Variants in COL24A1 observed in about 807,000 individuals in gnomAD.
The protein encoded by COL24A1 is collagen alpha-1(XXIV) chain.
In COL24A1, 224 loss-of-function variants were observed where a neutral mutation model predicts 253.9. That is an observed-to-expected ratio of 0.88 (90% CI 0.79 to 0.99). The LOEUF is 0.99. Among genes scored for constraint, COL24A1 ranks in the 50% least tolerant of loss-of-function variants. The probability of loss-of-function intolerance (pLI) is 0.00; values close to 1 mark genes in which losing one functional copy is unlikely to be tolerated. For synonymous variants in COL24A1, 685 were observed against 673.7 expected (o/e 1.02, Z -0.26); for missense variants, 2,131 against 2,068.5 (o/e 1.03, Z -0.59).
chr1:85,957,159 C>A (rs192983005), intron 24 of COL24A1, among the ~76,000 whole-genome samples: 1 of 151,942 alleles, frequency 6.6e-6, no homozygotes, highest in African/African-American at 2.4e-5. Flanking sequence ...ATGGACACCA[C>A]GAGGGGAACA....
intron 47 of COL24A1, among the ~76,000 whole-genome samples, chr1:85,815,693 A>G (rs1317031008): frequency 6.6e-6 from 1 of 152,094 alleles, no homozygotes; most frequent in Non-Finnish European, 1.5e-5. Context: ...AGATTTGAAT[A>G]AACATTAGAA....
chr1:85,975,353 G>A (rs965443061), intron 20 of COL24A1, among the ~76,000 whole-genome samples: 2 of 152,052 alleles, frequency 1.3e-5, no homozygotes, highest in African/African-American at 4.8e-5. Context: ...CCAAAATACA[G>A]AATCAACATA....
intron 11 of COL24A1, 69 bp downstream of exon 11, chr1:86,050,055 T>G (rs1700189856): frequency 7.4e-7 from 1 of 1,345,500 alleles, no homozygotes; most frequent in Non-Finnish European, 1.0e-6. Flanking sequence ...CATCTGATTT[T>G]ATGACCCCCA....
At chr1:86,077,365 C>G (rs1012429082) in intron 7 of COL24A1, among the ~76,000 whole-genome samples, 7 of 152,074 alleles carry the variant, frequency 4.6e-5, no homozygotes, top group African/African-American at 9.7e-5. Context: ...TGTGGAGAAA[C>G]AGGAAAGCTT....
chr1:85,889,731 C>CTTTT, intron 31 of COL24A1, 118 bp from the exon 32 acceptor site: 1 of 636,686 alleles, frequency 1.6e-6, no homozygotes, highest in South Asian at 1.9e-5. Flanking sequence ...TATTGCTATT[C>CTTTT]TTTTTTTTTT....
rs1156855453 is a variant in COL24A1, at chr1:85,729,684, A to G, written c.*862T>C. The G allele has an allele frequency of 6.6e-6, 1 of 152,572 alleles. No individual in the cohort carries two copies. 9.5% of individuals were successfully genotyped at this position (152,572 alleles called of 1,614,324 possible). A position where few individuals can be genotyped will look rare whatever the true frequency, so the allele number is the denominator to read the frequency against. On this transcript the variant is annotated 3_prime_UTR_variant, in exon 60 of 60. Transcript: ENST00000370571. ...TAAAAACAGTATGGCACAACCCCCA[A>G]TCTGTACCCCAAACCTACTACTAGA...
intron 59 of COL24A1, among the ~76,000 whole-genome samples, chr1:85,733,017 G>A (rs1371056590): frequency 6.6e-6 from 1 of 152,168 alleles, no homozygotes; most frequent in African/African-American, 2.4e-5. Flanking sequence ...TTGTGTCTCA[G>A]AGGTACTAGT....
At chr1:85,885,395 A>ATT (rs200199982) in intron 32 of COL24A1, among the ~76,000 whole-genome samples, 2,643 of 120,130 alleles carry the variant, frequency 0.022, 41 homozygotes, top group Non-Finnish European at 0.03. Context: ...ATATATATAT[A>ATT]TATTTTTTTT....
At chr1:85,780,668 T>C (rs1454902063) in intron 52 of COL24A1, among the ~76,000 whole-genome samples, 4 of 152,146 alleles carry the variant, frequency 2.6e-5, no homozygotes. Flanking sequence ...GAAAATAATA[T>C]CTACTGCAAA....
chr1:85,917,197 T>G (rs1174294330), intron 24 of COL24A1, among the ~76,000 whole-genome samples: 2 of 152,350 alleles, frequency 1.3e-5, no homozygotes, highest in African/African-American at 4.8e-5. Flanking sequence ...AAAGGATACA[T>G]CATTATGTGT....
At chr1:85,950,599 A>T (rs931009594) in intron 24 of COL24A1, among the ~76,000 whole-genome samples, 1 of 152,204 alleles carries the variant, frequency 6.6e-6, no homozygotes, top group African/African-American at 2.4e-5. Flanking sequence ...ACTAAAAACT[A>T]CAGATCAGGG....
intron 25 of COL24A1, among the ~76,000 whole-genome samples, chr1:85,911,091 G>C (rs1386209532): frequency 2.0e-5 from 3 of 151,854 alleles, no homozygotes; most frequent in African/African-American, 7.2e-5. Flanking sequence ...CTCATAGAAG[G>C]CTTGCTCTCA....
chr1:85,981,570 C>T lies in COL24A1; in HGVS notation c.2364+6031G>A, dbSNP rs1382915093. Among the ~76,000 whole-genome samples, 3 of 152,074 alleles carry T rather than the reference C, an allele frequency of 2.0e-5. No homozygotes were observed. The East Asian group carries it at 5.8e-4, about 29-fold the overall frequency. ...GAAGATAACACTGGAAAAAAATCTT[C>T]TAGACACAGGCTTAGGCAAGGAAGT... On this transcript the variant is annotated intron_variant, in intron 20 of 59. Transcript: ENST00000370571.
intron 7 of COL24A1, among the ~76,000 whole-genome samples, chr1:86,073,073 G>C (rs747007805): frequency 7.2e-5 from 11 of 152,100 alleles, no homozygotes; most frequent in Non-Finnish European, 1.5e-4. Flanking sequence ...CTCTTCTCCA[G>C]AGGATCACAA....
intron 24 of COL24A1, among the ~76,000 whole-genome samples, chr1:85,912,380 T>A (rs900347616): frequency 2.6e-5 from 4 of 152,128 alleles, no homozygotes; most frequent in African/African-American, 9.7e-5. Context: ...GACAAGAACA[T>A]AATCTCTTTC....
rs1663294763 is a variant in COL24A1 at position 85,729,729 on chromosome 1, T to C, written c.*817A>G. On this transcript the variant is annotated 3_prime_UTR_variant, in exon 60 of 60. Transcript: ENST00000370571. ...ACTAGATGTAGCTGGCCTATAATAA[T>C]TTTTACAACAATTTAAAAAATAAAA... 6.6e-6 allele frequency: 1 copy of C among 152,574 alleles called. No homozygotes were observed. Among genetic ancestry groups the C allele is most frequent in the Non-Finnish European group, 1.5e-5 (1 of 68,028 alleles). 9.5% of individuals were successfully genotyped at this position (152,574 alleles called of 1,614,324 possible). A position where few individuals can be genotyped will look rare whatever the true frequency, so the allele number is the denominator to read the frequency against.
chr1:86,146,978 AGAT>A (rs933660617), intron 1 of COL24A1, among the ~76,000 whole-genome samples: 3 of 152,142 alleles, frequency 2.0e-5, no homozygotes, highest in African/African-American at 4.8e-5. Flanking sequence ...TTTTGAAGAG[AGAT>A]GATAAGCATG....
At chr1:86,028,302 T>A (rs1698236244) in intron 14 of COL24A1, among the ~76,000 whole-genome samples, 1 of 152,198 alleles carries the variant, frequency 6.6e-6, no homozygotes, top group Non-Finnish European at 1.5e-5. Context: ...CAGAATGATA[T>A]GGTTTGGCTA....
intron 12 of COL24A1, among the ~76,000 whole-genome samples, chr1:86,039,739 A>C (rs567765403): frequency 2.0e-5 from 3 of 152,340 alleles, no homozygotes; most frequent in East Asian, 1.9e-4. Flanking sequence ...AATTTAACCT[A>C]GAAGTTATTT....
Sources: allele counts gnomAD v4.1 joint callset (sites outside exome capture counted in the v4.1 genomes callset), GRCh38; gene constraint gnomAD v4.1.1; transcripts MANE v1.5; gene names NCBI Gene and HGNC (gene_info 2026-07-23, HGNC 2026-07-21).